The following CEP76 variants were observed in gnomAD, a reference collection of about 807,000 sequenced individuals.
CEP76 encodes centrosomal protein 76.
CEP76 carries 55 observed loss-of-function variants against 83.3 expected under a neutral mutation model. That is an observed-to-expected ratio of 0.66 (90% CI 0.53 to 0.83). CEP76 has a LOEUF of 0.83. Among genes scored for constraint, CEP76 ranks in the 40% least tolerant of loss-of-function variants. The pLI, the probability that CEP76 is intolerant of heterozygous loss-of-function variation, is 0.00. For synonymous variants in CEP76, 270 were observed against 274.5 expected, an observed-to-expected ratio of 0.98 and a Z score of 0.16; for missense variants, 694 against 799.5, an observed-to-expected ratio of 0.87 and a Z score of 1.59.
rs1261419691 is a variant in CEP76 at position 12,695,246 on chromosome 18, G to A, written c.804+8C>T. 3 of 1,298,390 alleles carry A rather than the reference G, an allele frequency of 2.3e-6. No homozygotes were observed. The highest frequency in any genetic ancestry group is 3.3e-6 in the Non-Finnish European group (3 of 915,032). 80.4% of individuals were successfully genotyped at this position (1,298,390 alleles called of 1,614,324 possible). A position where few individuals can be genotyped will look rare whatever the true frequency, so the allele number is the denominator to read the frequency against. Reference sequence around the variant, plus strand: ...CACACAAAAAAAGAGAAACTCATAAGTATTTACCTGTGTGTTCACTACTTC... The same window carrying A: ...CACACAAAAAAAGAGAAACTCATAAATATTTACCTGTGTGTTCACTACTTC... On this transcript the variant is annotated splice_region_variant and intron_variant, in intron 6 of 11. Transcript: ENST00000262127.
chr18:12,690,604 C>T (rs926668548), intron 7 of CEP76, among the ~76,000 whole-genome samples: 2 of 152,094 alleles, frequency 1.3e-5, no homozygotes, highest in South Asian at 2.1e-4. Flanking sequence ...TATAGGAGCC[C>T]GCCATCACGC....
intron 1 of CEP76, among the ~76,000 whole-genome samples, chr18:12,702,189 T>A (rs2040179236): frequency 6.6e-6 from 1 of 152,300 alleles, no homozygotes; most frequent in East Asian, 1.9e-4. Context: ...TTACACTCGA[T>A]CCGACTTCCA....
Position 12,702,417 on chromosome 18 carries a change from G to A in CEP76, c.63+69C>T, listed in dbSNP as rs2040191070. 11 of 1,254,512 alleles carry A rather than the reference G, an allele frequency of 8.8e-6. No individual in the cohort carries two copies. The Admixed American group carries it at 2.0e-4, about 23-fold the overall frequency. The allele number at this position is 1,254,512 out of a possible 1,614,324, so 77.7% of individuals were successfully genotyped here. A position where few individuals can be genotyped will look rare whatever the true frequency, so the allele number is the denominator to read the frequency against. ...GCAAGCAGATGCCGCTGTCGGCCCG[G>A]GGCCGCCGGGCAGGAGGGAAAGGTT... On this transcript the variant is annotated intron_variant, in intron 1 of 11. Transcript: ENST00000262127.
At chr18:12,689,502 T>C (rs142511996) in intron 7 of CEP76, among the ~76,000 whole-genome samples, 19 of 152,358 alleles carry the variant, frequency 1.2e-4, no homozygotes, top group African/African-American at 4.6e-4. Context: ...CTTGACAATC[T>C]TATATGGTTA....
chr18:12,699,799 C>G (rs776119867), intron 3 of CEP76, 31 bp downstream of exon 3: 2 of 1,244,230 alleles, frequency 1.6e-6, no homozygotes, highest in Non-Finnish European at 2.3e-6. Context: ...TACTATTAAC[C>G]ACAACTAAAT....
chr18:12,700,082 G>A (rs1598668096), intron 2 of CEP76, 177 bp from the exon 3 acceptor site: 1 of 424,562 alleles, frequency 2.4e-6, no homozygotes, highest in East Asian at 3.6e-5. Flanking sequence ...CATAAAAGAT[G>A]ATGTAAACTG....
chr18:12,701,208 C>T (rs1878837198), intron 1 of CEP76, 95 bp from the exon 2 acceptor site: 1 of 814,352 alleles, frequency 1.2e-6, no homozygotes. Context: ...AGTAAATGCA[C>T]AATTGTTACC....
intron 8 of CEP76, chr18:12,685,304 T>C (rs1260080511): frequency 6.6e-6 from 1 of 152,056 alleles, no homozygotes; most frequent in Non-Finnish European, 1.5e-5. Context: ...CCAGCCTTAT[T>C]TTCTCTTTTT....
intron 7 of CEP76, 110 bp downstream of exon 7, chr18:12,691,249 C>T (rs780320870): frequency 3.3e-5 from 22 of 665,126 alleles, no homozygotes; most frequent in Non-Finnish European, 4.8e-5. Flanking sequence ...TTTACAAATA[C>T]ACTTTTATTT....
intron 6 of CEP76, among the ~76,000 whole-genome samples, chr18:12,693,403 G>C (rs2039835882): frequency 6.6e-6 from 1 of 151,866 alleles, no homozygotes; most frequent in Non-Finnish European, 1.5e-5. Flanking sequence ...AAGCCTGAGA[G>C]AGTGAGATGC....
At chr18:12,667,529 AG>A (rs1406060894) in intron 12 of CEP76, among the ~76,000 whole-genome samples, 1 of 152,150 alleles carries the variant, frequency 6.6e-6, no homozygotes, top group Non-Finnish European at 1.5e-5. Context: ...TGGGAGGCCA[AG>A]GCAGGTGGAT....
intron 4 of CEP76, 58 bp downstream of exon 4, chr18:12,698,921 A>G: frequency 8.1e-7 from 1 of 1,231,754 alleles, no homozygotes. Context: ...TTATTGTTTC[A>G]CAATAAAACA....
chr18:12,680,064 AAG>A (rs575968139), intron 9 of CEP76, among the ~76,000 whole-genome samples: 565 of 151,962 alleles, frequency 3.7e-3, no homozygotes, highest in Middle Eastern at 0.01. Context: ...AAAAAAAAAA[AAG>A]AGAAAACTGA....
exon 13 of CEP76, chr18:12,661,982 T>G (rs1409291692): frequency 3.9e-6 from 1 of 255,102 alleles, no homozygotes; most frequent in Non-Finnish European, 8.0e-6. Context: ...TTTTGTTACT[T>G]TATTAAAAAT....
chr18:12,691,530 T>A, intron 6 of CEP76, 43 bp from the exon 7 acceptor site: 5 of 1,423,170 alleles, frequency 3.5e-6, no homozygotes, highest in Non-Finnish European at 4.8e-6. Flanking sequence ...ATTCATTATC[T>A]TTAATTACTA....
At chr18:12,681,974 C>T (rs1286060668) in intron 8 of CEP76, among the ~76,000 whole-genome samples, 1 of 147,290 alleles carries the variant, frequency 6.8e-6, no homozygotes, top group Admixed American at 6.8e-5. Context: ...CCAGCCTGGA[C>T]AACAGAGTGA....
chr18:12,687,306 C>T (rs1323517750), intron 7 of CEP76, among the ~76,000 whole-genome samples: 1 of 152,058 alleles, frequency 6.6e-6, no homozygotes, highest in Non-Finnish European at 1.5e-5. Flanking sequence ...ACATCTTTTT[C>T]CAATATAGTC....
chr18:12,669,607 A>G (rs1314755602), downstream of CEP76, among the ~76,000 whole-genome samples: 1 of 152,190 alleles, frequency 6.6e-6, no homozygotes, highest in Non-Finnish European at 1.5e-5. Flanking sequence ...CATATTGTCA[A>G]GAACACCACC....
intron 2 of CEP76, among the ~76,000 whole-genome samples, chr18:12,700,676 A>G (rs112775557): frequency 1.3e-5 from 2 of 152,318 alleles, no homozygotes; most frequent in African/African-American, 2.4e-5. Flanking sequence ...TAATTGGACT[A>G]AAGTATGTAT....
Sources: gnomAD v4.1 joint callset for allele counts (sites outside exome capture counted in the v4.1 genomes callset) on GRCh38, gnomAD v4.1.1 for gene constraint, MANE v1.5 for transcripts, NCBI Gene and HGNC (gene_info 2026-07-23, HGNC 2026-07-21) for gene names.